Variants in KCNIP4 observed in about 807,000 individuals in gnomAD.
KCNIP4 encodes potassium voltage-gated channel interacting protein 4.
In KCNIP4, 12 loss-of-function variants were observed where a neutral mutation model predicts 34.0. The ratio of observed to expected loss-of-function variants is 0.35; its 90% CI spans 0.23 to 0.57. KCNIP4 has a LOEUF of 0.57. Ranked by LOEUF, KCNIP4 falls within the 20% of genes least tolerant of loss-of-function variation. The pLI, the probability that KCNIP4 is intolerant of heterozygous loss-of-function variation, is 0.83. For synonymous variants in KCNIP4, 124 were observed against 102.2 expected, an observed-to-expected ratio of 1.21 and a Z score of -1.29; for missense variants, 238 against 311.7, an observed-to-expected ratio of 0.76 and a Z score of 1.78.
chr4:21,634,393 C>T (rs1560579640), intron 1 of KCNIP4, among the ~76,000 whole-genome samples: 3 of 151,880 alleles, frequency 2.0e-5, no homozygotes, highest in Admixed American at 6.6e-5. Context: ...GAGAAATGTA[C>T]ACTTTATACT....
At chr4:21,862,646 G>A (rs1264013428) in intron 1 of KCNIP4, among the ~76,000 whole-genome samples, 1 of 152,172 alleles carries the variant, frequency 6.6e-6, no homozygotes, top group Non-Finnish European at 1.5e-5. Context: ...CAGATGGTAG[G>A]TGTTCAATAA....
intron 3 of KCNIP4, among the ~76,000 whole-genome samples, chr4:20,835,135 C>A (rs112141798): frequency 6.6e-6 from 1 of 152,280 alleles, no homozygotes; most frequent in African/African-American, 2.4e-5. Context: ...GTCTGCTTAG[C>A]ATTCAATGCC....
intron 1 of KCNIP4, among the ~76,000 whole-genome samples, chr4:21,217,215 T>C (rs1757651729): frequency 6.6e-6 from 1 of 152,222 alleles, no homozygotes; most frequent in Non-Finnish European, 1.5e-5. Flanking sequence ...TGACCTACTG[T>C]TAATATTTAC....
chr4:21,809,958 G>C (rs780332659), intron 1 of KCNIP4, among the ~76,000 whole-genome samples: 13 of 152,164 alleles, frequency 8.5e-5, no homozygotes, highest in Non-Finnish European at 1.6e-4. Flanking sequence ...TCATGTAATT[G>C]CCTCCTATGC....
At chr4:21,301,244 A>C (rs148354464) in intron 1 of KCNIP4, among the ~76,000 whole-genome samples, 4 of 152,186 alleles carry the variant, frequency 2.6e-5, no homozygotes, top group African/African-American at 9.6e-5. Flanking sequence ...TTTGAAGTAC[A>C]TGTATTCTAC....
chr4:21,627,513 C>G (rs554479146), intron 1 of KCNIP4, among the ~76,000 whole-genome samples: 1 of 152,152 alleles, frequency 6.6e-6, no homozygotes, highest in South Asian at 2.1e-4. Flanking sequence ...TGATTATTTT[C>G]TGATATTTGC....
At chr4:21,015,851 AAATATATAC>A (rs1739485095) in intron 1 of KCNIP4, among the ~76,000 whole-genome samples, 1 of 140,462 alleles carries the variant, frequency 7.1e-6, no homozygotes, top group Non-Finnish European at 1.5e-5. Context: ...ACAATATATA[AAATATATAC>A]AATATATAAA....
chr4:21,749,608 T>G (rs1188943118), intron 1 of KCNIP4, among the ~76,000 whole-genome samples: 3 of 151,976 alleles, frequency 2.0e-5, no homozygotes, highest in Non-Finnish European at 4.4e-5. Flanking sequence ...CCTGGATGAG[T>G]CATTGCAATA....
intron 1 of KCNIP4, among the ~76,000 whole-genome samples, chr4:20,932,491 T>C (rs1369402553): frequency 1.3e-5 from 2 of 151,712 alleles, no homozygotes; most frequent in Non-Finnish European, 2.9e-5. Context: ...TAGTCTAATA[T>C]TGTAGACTAT....
At chr4:21,318,637 G>T (rs1482055788) in intron 1 of KCNIP4, among the ~76,000 whole-genome samples, 4 of 152,040 alleles carry the variant, frequency 2.6e-5, no homozygotes, top group Non-Finnish European at 5.9e-5. Flanking sequence ...CACACTACTC[G>T]TGTTTTTTTC....
intron 1 of KCNIP4, among the ~76,000 whole-genome samples, chr4:21,214,263 T>C (rs572181985): frequency 6.6e-5 from 10 of 152,206 alleles, no homozygotes; most frequent in Non-Finnish European, 1.0e-4. Flanking sequence ...GTGTGAGCCA[T>C]GAAAAATCAT....
chr4:21,203,335 A>G (rs1300588984), intron 1 of KCNIP4, among the ~76,000 whole-genome samples: 1 of 148,474 alleles, frequency 6.7e-6, no homozygotes, highest in Non-Finnish European at 1.5e-5. Context: ...TATTGACTGG[A>G]TGATTGGCAG....
chr4:20,843,914 T>C (rs1720059916), intron 3 of KCNIP4, among the ~76,000 whole-genome samples: 1 of 152,200 alleles, frequency 6.6e-6, no homozygotes, highest in African/African-American at 2.4e-5. Flanking sequence ...ATGCTTAACA[T>C]ATTTCAAGAT....
chr4:21,655,811 C>A (rs963140688), intron 1 of KCNIP4, among the ~76,000 whole-genome samples: 2 of 152,102 alleles, frequency 1.3e-5, no homozygotes, highest in Non-Finnish European at 2.9e-5. Flanking sequence ...AACAGATCAC[C>A]ATGCATAAAT....
intron 1 of KCNIP4, among the ~76,000 whole-genome samples, chr4:21,001,613 A>C (rs1738143508): frequency 6.6e-6 from 1 of 152,074 alleles, no homozygotes; most frequent in African/African-American, 2.4e-5. Context: ...CAGAGAATGC[A>C]CTCTCCTTAA....
intron 1 of KCNIP4, among the ~76,000 whole-genome samples, chr4:21,298,265 AG>A (rs1251950466): frequency 6.6e-6 from 1 of 152,120 alleles, no homozygotes; most frequent in Non-Finnish European, 1.5e-5. Context: ...TTGCTGAGAA[AG>A]GTTGGGGTGT....
rs567316964 is a variant in KCNIP4, at chr4:21,467,492, G to A, written c.61+481079C>T. ...GGCAATGGAGCCACTTGAGGGCTAC[G>A]GGGTTAGGCAGAGTAAATGAACCGG... On this transcript the variant is annotated intron_variant, in intron 1 of 8. Transcript: ENST00000382152. Among the ~76,000 whole-genome samples the A allele has an allele frequency of 6.6e-5, 10 of 152,234 alleles. No homozygotes were observed. The South Asian group carries it at 1.7e-3, about 25-fold the overall frequency.
chr4:21,556,717 T>A (rs757109572), intron 1 of KCNIP4, among the ~76,000 whole-genome samples: 2 of 151,890 alleles, frequency 1.3e-5, no homozygotes, highest in African/African-American at 4.8e-5. Flanking sequence ...GGTCAGGAGT[T>A]CCAGACCTGC....
At chr4:21,350,104 T>A (rs1332936166) in intron 1 of KCNIP4, among the ~76,000 whole-genome samples, 1 of 150,598 alleles carries the variant, frequency 6.6e-6, no homozygotes, top group Non-Finnish European at 1.5e-5. Context: ...ATTAATAAAG[T>A]AAATTATTCA....
Sources: gnomAD v4.1 joint callset for allele counts (sites outside exome capture counted in the v4.1 genomes callset) on GRCh38, gnomAD v4.1.1 for gene constraint, MANE v1.5 for transcripts, NCBI Gene and HGNC (gene_info 2026-07-23, HGNC 2026-07-21) for gene names.